The following COL6A3 variants were observed in gnomAD, a reference collection of about 807,000 sequenced individuals.
COL6A3 encodes the protein collagen alpha-3(VI) chain.
In COL6A3, 137 loss-of-function variants were observed where a neutral mutation model predicts 274.1. The observed-to-expected ratio is 0.50, with a 90% confidence interval of 0.44 to 0.58. The LOEUF is 0.58. Ranked by LOEUF, COL6A3 falls within the 20% of genes least tolerant of loss-of-function variation. The probability of loss-of-function intolerance (pLI) is 0.00; values close to 1 mark genes in which losing one functional copy is unlikely to be tolerated. For missense variants in COL6A3, 3,950 were observed against 4,124.9 expected (o/e 0.96, Z 1.16); for synonymous variants, 1,650 against 1,650.6 (o/e 1.00, Z 0.01).
chr2:237,347,660 T>C, intron 31 of COL6A3, 147 bp downstream of exon 31: 2 of 819,966 alleles, frequency 2.4e-6, no homozygotes, highest in Admixed American at 2.0e-5. Context: ...AGGACATTGG[T>C]CTGGGGCTCA....
chr2:237,371,325 G>A lies in COL6A3; in HGVS notation c.4285+407C>T, dbSNP rs149249084. The stretch of plus-strand genomic sequence containing the variant: ...TGAAGAACATAAAGGTGCTGGGCGC[G>A]GTGTCTCAGGCCTGTAATCCCAGCA... On this transcript the variant is annotated intron_variant, in intron 9 of 43. Coordinates refer to ENST00000295550, the MANE Select transcript of COL6A3 (RefSeq NM_004369.4). The surrounding 1 kb of genome is among the most constrained non-coding windows in gnomAD (Gnocchi z 4.3). Among the ~76,000 whole-genome samples the A allele has an allele frequency of 1.2e-4, 19 of 152,264 alleles. No homozygotes were observed. The East Asian group carries it at 2.7e-3, about 22-fold the overall frequency.
intron 3 of COL6A3, among the ~76,000 whole-genome samples, chr2:237,391,857 C>T (rs191196072): frequency 5.9e-5 from 9 of 152,188 alleles, no homozygotes; most frequent in African/African-American, 7.2e-5. Context: ...CCCGATATTC[C>T]GAAATGTGAT....
chr2:237,369,949 C>T (rs1397809425), intron 9 of COL6A3, among the ~76,000 whole-genome samples: 1 of 151,376 alleles, frequency 6.6e-6, no homozygotes, highest in Non-Finnish European at 1.5e-5. Context: ...GCAATCCTCC[C>T]TCCTTATCCT....
rs1352342811 is a variant in COL6A3, at chr2:237,358,891, T to C, written c.6408+144A>G. 4.6e-6 allele frequency: 4 copies of C among 860,888 alleles called. No homozygotes were observed. The African/African-American group carries it at 6.6e-5, about 14-fold the overall frequency. The allele number at this position is 860,888 out of a possible 1,614,324, so 53.3% of individuals were successfully genotyped here. A position where few individuals can be genotyped will look rare whatever the true frequency, so the allele number is the denominator to read the frequency against. On this transcript the variant is annotated intron_variant, in intron 20 of 43. Transcript: ENST00000295550. ...GTAATGTGTCAGAGCTGAGAGGGGA[T>C]GTAATGGGTGCACTCACAGGGGAGG...
At position 237,379,239 on chromosome 2, in the gene COL6A3, C is replaced by T. The variant is rs904068304; in HGVS notation, c.1898-4G>A. 2 of 1,613,968 alleles carry T rather than the reference C, an allele frequency of 1.2e-6. No individual in the cohort carries two copies. The highest frequency in any genetic ancestry group is 1.1e-5 in the South Asian group (1 of 91,082). On this transcript the variant is annotated splice_region_variant and splice_polypyrimidine_tract_variant and intron_variant, in intron 5 of 43. Transcript: ENST00000295550. ...ATATCCCTTTTGTTTGAGTGAACTG[C>T]AGTGAAGCACAGAAAAAAAAGTGAG...
intron 40 of COL6A3, 38 bp from the exon 41 acceptor site, chr2:237,334,927 ATCC>A: frequency 6.2e-7 from 1 of 1,612,444 alleles, no homozygotes; most frequent in Non-Finnish European, 8.5e-7. Context: ...AAAAAATAAA[ATCC>A]TCCATGACTG....
intron 7 of COL6A3, among the ~76,000 whole-genome samples, chr2:237,375,934 A>T (rs1307639204): frequency 6.6e-6 from 1 of 152,206 alleles, no homozygotes; most frequent in Non-Finnish European, 1.5e-5. Flanking sequence ...TTATTTTGGA[A>T]CTTTTCAATG....
At chr2:237,357,932 G>T in intron 21 of COL6A3, 50 bp from the exon 22 acceptor site, 1 of 1,522,440 alleles carries the variant, frequency 6.6e-7, no homozygotes, top group Non-Finnish European at 9.1e-7. Context: ...AAGGAAAGCA[G>T]CTGCCACTGG....
intron 42 of COL6A3, chr2:237,333,246 A>G: frequency 1.6e-6 from 1 of 617,252 alleles, no homozygotes; most frequent in Non-Finnish European, 2.9e-6. Flanking sequence ...ATTTTCACTG[A>G]GTCTGATCAC....
rs777358507 is a variant in COL6A3, at chr2:237,379,122, T to C, written c.2011A>G (p.Ile671Val). 4 of 1,614,232 alleles carry C rather than the reference T, an allele frequency of 2.5e-6. No individual in the cohort carries two copies. The highest frequency in any genetic ancestry group is 2.5e-6 in the Non-Finnish European group (3 of 1,180,044). The change falls in exon 6 of 44, where the codon ATT becomes GTT. Residue 671 changes from isoleucine (I) to valine (V), a missense_variant. Physicochemically the swap from Ile to Val is conservative, Grantham distance 29 (BLOSUM62 3). This residue lies in a region of COL6A3 where 1,934 missense variants were observed against 1,984.3 expected (regional missense o/e 0.97). Transcript: ENST00000295550. ...CCAACACGAATATTGTCATTTCCAA[T>C]ATCAAGGCTGTTAACTAGGTTCATT... ...FVMNLVNSLD[I>V]GNDNIRVGLV...
At chr2:237,345,022 T>C (rs1339191541) in intron 34 of COL6A3, 36 bp downstream of exon 34, 1 of 1,614,032 alleles carries the variant, frequency 6.2e-7, no homozygotes, top group Non-Finnish European at 8.5e-7. Context: ...AATGTAAAAA[T>C]ATGCATTGTG....
At chr2:237,372,584 T>C (rs909228989) in intron 8 of COL6A3, among the ~76,000 whole-genome samples, 3 of 152,110 alleles carry the variant, frequency 2.0e-5, no homozygotes, top group African/African-American at 7.2e-5. Flanking sequence ...GCGAGGATGG[T>C]ACTTGGGAAG....
In COL6A3 at chr2:237,409,080, G is replaced by A. The variant is rs576804337; in HGVS notation, c.-31+4873C>T. ...CATATTGGAAACATCAGACAATTCT[G>A]CTACTAGCTCTGTGGCCCTGTCACT... On this transcript the variant is annotated intron_variant, in intron 1 of 43. Transcript: ENST00000295550. 7.2e-5 allele frequency among the ~76,000 whole-genome samples: 11 copies of A among 152,254 alleles called. No homozygotes were observed. The South Asian group carries it at 2.1e-3, about 29-fold the overall frequency.
At position 237,367,158 on chromosome 2, in the gene COL6A3, G is replaced by A; in HGVS notation, c.5029C>T (p.Gln1677Ter). The A allele has an allele frequency of 6.2e-7, 1 of 1,614,198 alleles. No individual in the cohort carries two copies. The highest frequency in any genetic ancestry group is 8.5e-7 in the Non-Finnish European group (1 of 1,180,034). Residue 1677 changes from glutamine (Q) to a stop codon, truncating the protein, a stop_gained, in exon 11 of 44, where the codon CAA becomes TAA. Coordinates refer to ENST00000295550, the MANE Select transcript of COL6A3 (RefSeq NM_004369.4). LOFTEE classifies it high-confidence loss of function. ...DTVYEDGDSIQVGLVQYNSDP... is the reference protein window; with the variant it reads ...DTVYEDGDSI Reference sequence around the variant, plus strand: ...GAGTTGTACTGGACAAGCCCCACTTGGATGGAGTCGCCATCTTCATAAACT... The same window carrying A: ...GAGTTGTACTGGACAAGCCCCACTTAGATGGAGTCGCCATCTTCATAAACT...
Position 237,344,238 on chromosome 2 carries a change from A to C in COL6A3, c.7668+112T>G. The C allele has an allele frequency of 6.6e-7, 1 of 1,522,226 alleles. No homozygotes were observed. Among genetic ancestry groups the C allele is most frequent in the South Asian group, 1.1e-5 (1 of 88,600 alleles). 94.3% of individuals were successfully genotyped at this position (1,522,226 alleles called of 1,614,324 possible). ...TCTCAGGCAGATGGCCTCATTGGGG[A>C]CGTTTTAGGAGCTATGGGACATGAA... is the stretch of plus-strand genomic sequence containing the variant. On this transcript the variant is annotated intron_variant, in intron 36 of 43. Coordinates refer to ENST00000295550, the MANE Select transcript of COL6A3 (RefSeq NM_004369.4). The surrounding 1 kb of genome is among the most constrained non-coding windows in gnomAD (Gnocchi z 4.8).
At chr2:237,335,793 C>T (rs1466081741) in intron 40 of COL6A3, among the ~76,000 whole-genome samples, 1 of 152,222 alleles carries the variant, frequency 6.6e-6, no homozygotes, top group Non-Finnish European at 1.5e-5. Flanking sequence ...CTTTCTGTCT[C>T]TCTCACTCCC....
intron 14 of COL6A3, 22 bp downstream of exon 14, chr2:237,363,231 T>A: frequency 6.2e-7 from 1 of 1,606,966 alleles, no homozygotes; most frequent in African/African-American, 1.4e-5. Context: ...GGTCTGTGTA[T>A]AAAGACATAA....
At position 237,368,711 on chromosome 2, in the gene COL6A3, C is replaced by T. The variant is rs1194793777; in HGVS notation, c.4752G>A (p.Gln1584=). 2.5e-6 allele frequency: 4 copies of T among 1,614,034 alleles called. No homozygotes were observed. The highest frequency in any genetic ancestry group is 1.6e-4 in the Middle Eastern group (1 of 6,084). Reference sequence around the variant, plus strand: ...CCAGTCTGGGGTCATTGGTGATGGTCTGCAGCTCTGTTCTGTCGATGTTCC... The same window carrying T: ...CCAGTCTGGGGTCATTGGTGATGGTTTGCAGCTCTGTTCTGTCGATGTTCC... ...GDRNIDRTEL[Q]TITNDPRLVF... Residue 1584 remains glutamine (Q), a synonymous_variant, in exon 10 of 44, where the codon CAG becomes CAA. Transcript: ENST00000295550. The surrounding 1 kb of genome is among the most constrained non-coding windows in gnomAD (Gnocchi z 4.4).
In COL6A3 at chr2:237,361,448, A is replaced by T. The variant is rs564669711; in HGVS notation, c.6157-274T>A. Reference sequence around the variant, plus strand: ...ATTCGCAGCCAGGCTGCTGTCAGGGACGCCAGCTGCCTTTAACATTATTTT... The same window carrying T: ...ATTCGCAGCCAGGCTGCTGTCAGGGTCGCCAGCTGCCTTTAACATTATTTT... On this transcript the variant is annotated intron_variant, in intron 15 of 43. Coordinates refer to ENST00000295550, the MANE Select transcript of COL6A3 (RefSeq NM_004369.4). This position sits in a 1 kb window ranked among gnomAD's most constrained non-coding sequence, Gnocchi z 5.1. 6.6e-6 allele frequency among the ~76,000 whole-genome samples: 1 copy of T among 152,216 alleles called. No individual in the cohort carries two copies. The highest frequency in any genetic ancestry group is 1.5e-5 in the Non-Finnish European group (1 of 68,032).
Sources: gnomAD v4.1 joint callset for allele counts (sites outside exome capture counted in the v4.1 genomes callset) on GRCh38, gnomAD v4.1.1 for gene constraint, gnomAD v4.1.1 regional missense constraint, Gnocchi (gnomAD v3.1) non-coding constraint, MANE v1.5 for transcripts, NCBI Gene and HGNC (gene_info 2026-07-23, HGNC 2026-07-21) for gene names.